The following DLGAP4 variants were observed in gnomAD, a reference collection of about 807,000 sequenced individuals.
The protein encoded by DLGAP4 is DLG associated protein 4, also known as disks large-associated protein 4.
In DLGAP4, 18 loss-of-function variants were observed where a neutral mutation model predicts 86.9. The ratio of observed to expected loss-of-function variants is 0.21; its 90% CI spans 0.14 to 0.31. The LOEUF is 0.31. DLGAP4 is among the 10% of genes least tolerant of loss of function. The pLI is 1.00. For synonymous variants in DLGAP4, 548 were observed against 574.3 expected (o/e 0.95, Z 0.65); for missense variants, 1,085 against 1,362.6 (o/e 0.80, Z 3.21).
chr20:36,328,478 T>G (rs1386024434), intron 1 of DLGAP4, among the ~76,000 whole-genome samples: 1 of 151,818 alleles, frequency 6.6e-6, no homozygotes, highest in Non-Finnish European at 1.5e-5. Context: ...TGGCAGGTTT[T>G]TTTTTTTTTT....
chr20:36,520,697 G>A (rs758059891), intron 10 of DLGAP4, among the ~76,000 whole-genome samples: 12 of 151,446 alleles, frequency 7.9e-5, no homozygotes, highest in Admixed American at 2.0e-4. Flanking sequence ...ATTTAATGAC[G>A]TCTAGTTTAT....
Position 36,462,656 on chromosome 20 carries a change from G to C in DLGAP4, c.1648+15719G>C, listed in dbSNP as rs535473586. 7 of 1,553,416 alleles carry C rather than the reference G, an allele frequency of 4.5e-6. No individual in the cohort carries two copies. The Admixed American group carries it at 1.0e-4, about 23-fold the overall frequency. On this transcript the variant is annotated intron_variant, in intron 7 of 12. Coordinates refer to ENST00000339266, the MANE Select transcript of DLGAP4 (RefSeq NM_001365621.2). The stretch of plus-strand genomic sequence containing the variant: ...GTTGGCCCGCAGGCTGGCCGCGGCC[G>C]AGGCTCCATGGGGTTGGCGCTGGGG...
chr20:36,323,366 C>T (rs1555890773), intron 1 of DLGAP4, among the ~76,000 whole-genome samples: 2 of 152,092 alleles, frequency 1.3e-5, no homozygotes, highest in African/African-American at 4.8e-5. Context: ...CAGATTGTCT[C>T]TTTTGTGCTA....
intron 7 of DLGAP4, among the ~76,000 whole-genome samples, chr20:36,475,147 C>T (rs1442096494): frequency 6.6e-6 from 1 of 151,262 alleles, no homozygotes; most frequent in East Asian, 2.0e-4. Flanking sequence ...AGGCAGGACC[C>T]TGGGGGTCTC....
At chr20:36,321,401 G>A (rs1437134036) in intron 1 of DLGAP4, among the ~76,000 whole-genome samples, 4 of 152,238 alleles carry the variant, frequency 2.6e-5, no homozygotes, top group Admixed American at 6.5e-5. Flanking sequence ...GGAGGGCTGC[G>A]GGGGAGTTTC....
At chr20:36,318,104 T>A (rs962385391) in intron 1 of DLGAP4, among the ~76,000 whole-genome samples, 84 of 106,578 alleles carry the variant, frequency 7.9e-4, no homozygotes, top group Middle Eastern at 5.0e-3. Context: ...AAATGTGTCC[T>A]CTCACACACA....
intron 7 of DLGAP4, chr20:36,461,840 G>C (rs896143156): frequency 3.1e-6 from 3 of 976,162 alleles, no homozygotes; most frequent in African/African-American, 1.9e-5. Flanking sequence ...GTCTCTCCCC[G>C]GCTCGCTGTC....
At chr20:36,352,615 G>A (rs2030195999) in intron 1 of DLGAP4, among the ~76,000 whole-genome samples, 1 of 152,142 alleles carries the variant, frequency 6.6e-6, no homozygotes, top group Admixed American at 6.5e-5. Context: ...CAAGTGGGAT[G>A]GGGAAAACTA....
rs370184307 is a variant in DLGAP4, at chr20:36,524,219, A to T, written c.2513-31A>T. 3.8e-6 allele frequency: 6 copies of T among 1,586,700 alleles called. No homozygotes were observed. The African/African-American group carries it at 6.7e-5, about 18-fold the overall frequency. ...TCCCACCAAACCCTGTGCTGTGCTA[A>T]ATCAGTCTTTTTCCACCCTCTGTTT... On this transcript the variant is annotated intron_variant, in intron 10 of 12. Transcript: ENST00000339266.
chr20:36,373,493 G>A (rs1381776371), intron 2 of DLGAP4, among the ~76,000 whole-genome samples: 1 of 152,202 alleles, frequency 6.6e-6, no homozygotes, highest in African/African-American at 2.4e-5. Flanking sequence ...TTGCTAAGGA[G>A]AATTTGGTGC....
At chr20:36,327,813 G>A (rs1420716032) in intron 1 of DLGAP4, among the ~76,000 whole-genome samples, 2 of 147,066 alleles carry the variant, frequency 1.4e-5, no homozygotes, top group Non-Finnish European at 3.0e-5. Flanking sequence ...GGATGGTCTC[G>A]ATCTCCTGAC....
chr20:36,398,480 G>C (rs1361418031), intron 2 of DLGAP4, among the ~76,000 whole-genome samples: 1 of 152,164 alleles, frequency 6.6e-6, no homozygotes, highest in Non-Finnish European at 1.5e-5. Context: ...GAGGTGGCAG[G>C]GTCAAAGGAG....
At chr20:36,392,663 C>T (rs1312049501) in intron 2 of DLGAP4, among the ~76,000 whole-genome samples, 1 of 152,182 alleles carries the variant, frequency 6.6e-6, no homozygotes, top group African/African-American at 2.4e-5. Flanking sequence ...CCACCGCGCC[C>T]AGCCCATTCA....
chr20:36,360,033 G>T (rs138755946), intron 1 of DLGAP4, among the ~76,000 whole-genome samples: 19 of 152,232 alleles, frequency 1.2e-4, no homozygotes, highest in African/African-American at 4.3e-4. Flanking sequence ...GCTGATTAGG[G>T]GATCATAATA....
chr20:36,324,958 C>T (rs1171548353), intron 1 of DLGAP4, among the ~76,000 whole-genome samples: 8 of 151,898 alleles, frequency 5.3e-5, no homozygotes, highest in African/African-American at 1.9e-4. Flanking sequence ...TATTGATTTG[C>T]TGTTCTGATG....
At chr20:36,494,984 GTTTTT>G (rs752411826) in intron 7 of DLGAP4, among the ~76,000 whole-genome samples, 4 of 75,390 alleles carry the variant, frequency 5.3e-5, no homozygotes, top group Admixed American at 2.1e-4. Flanking sequence ...TTTTTGTTCG[GTTTTT>G]TTTTTTTTTT....
At chr20:36,519,103 C>T (rs1340276431) in intron 10 of DLGAP4, among the ~76,000 whole-genome samples, 1 of 149,942 alleles carries the variant, frequency 6.7e-6, no homozygotes, top group Non-Finnish European at 1.5e-5. Context: ...GGCAACAGTG[C>T]GAGACTCCAT....
chr20:36,386,905 CT>C (rs2031618409), intron 2 of DLGAP4, among the ~76,000 whole-genome samples: 1 of 152,082 alleles, frequency 6.6e-6, no homozygotes, highest in South Asian at 2.1e-4. Context: ...TCTTTTTTCA[CT>C]TATTTTTGAG....
At chr20:36,436,377 T>G (rs1436029271) in intron 4 of DLGAP4, 27 bp downstream of exon 4, 2 of 1,563,776 alleles carry the variant, frequency 1.3e-6, no homozygotes, top group Non-Finnish European at 1.7e-6. Flanking sequence ...ACCCTTACGG[T>G]CCCGCCCAGA....
Sources: gnomAD v4.1 joint callset for allele counts (sites outside exome capture counted in the v4.1 genomes callset) on GRCh38, gnomAD v4.1.1 for gene constraint, MANE v1.5 for transcripts, NCBI Gene and HGNC (gene_info 2026-07-23, HGNC 2026-07-21) for gene names.